The following PIWIL1 variants were observed in gnomAD, a reference collection of about 807,000 sequenced individuals.
PIWIL1 encodes the protein piwi-like protein 1.
PIWIL1 carries 73 observed loss-of-function variants against 114.4 expected under a neutral mutation model. The observed-to-expected ratio is 0.64, with a 90% confidence interval of 0.53 to 0.78. PIWIL1 has a LOEUF of 0.78. PIWIL1 is among the 30% of genes least tolerant of loss of function. The probability of loss-of-function intolerance (pLI) is 0.00; values close to 1 mark genes in which losing one functional copy is unlikely to be tolerated. For missense variants in PIWIL1, 723 were observed against 1,063.1 expected (o/e 0.68, Z 4.45); for synonymous variants, 375 against 369.0 (o/e 1.02, Z -0.19).
intron 7 of PIWIL1, among the ~76,000 whole-genome samples, chr12:130,348,628 C>T (rs1191487211): frequency 2.6e-5 from 4 of 152,212 alleles, no homozygotes; most frequent in African/African-American, 4.8e-5. Flanking sequence ...AAAGGCCGGG[C>T]GTGGTGGCTC....
intron 12 of PIWIL1, 94 bp from the exon 13 acceptor site, chr12:130,356,824 T>G: frequency 6.9e-6 from 6 of 867,374 alleles, no homozygotes; most frequent in Non-Finnish European, 1.0e-5. Flanking sequence ...ACACTAAGTT[T>G]CAAAATATGC....
chr12:130,367,249 G>A lies in PIWIL1; in HGVS notation c.2312G>A (p.Arg771Lys). The change falls in exon 19 of 21, where the codon AGA (arginine) becomes AAA (lysine). Residue 771 changes from arginine to lysine, a missense_variant. Physicochemically the swap from Arg to Lys is conservative, Grantham distance 26. Transcript: ENST00000245255. ...ACAGTTATTGATGTAGAGGTTACCA[G>A]ACCAGAATGGTAAGTTCCATGTGAT... The part of the protein sequence containing the change: ...PGTVIDVEVT[R>K]PEWYDFFIVS... 1.9e-6 allele frequency: 3 copies of A among 1,613,214 alleles called. No homozygotes were observed. Among genetic ancestry groups the A allele is most frequent in the Non-Finnish European group, 2.5e-6 (3 of 1,179,322 alleles).
chr12:130,340,660 TTGGTGGTGGTGG>T (rs1181115618), intron 1 of PIWIL1, among the ~76,000 whole-genome samples: 1 of 94,012 alleles, frequency 1.1e-5, no homozygotes, highest in Non-Finnish European at 2.3e-5. Context: ...GGGAGGGGGG[TTGGTGGTGGTGG>T]TGGTGGTGCT....
chr12:130,417,187 T>C, the PIWIL1 span, among the ~76,000 whole-genome samples: 1 of 152,122 alleles, frequency 6.6e-6, no homozygotes, highest in Non-Finnish European at 1.5e-5. Context: ...AGTTTGGAGA[T>C]TTCTTGGAGA....
chr12:130,402,164 T>G, the PIWIL1 span, among the ~76,000 whole-genome samples: 1 of 152,158 alleles, frequency 6.6e-6, no homozygotes, highest in Non-Finnish European at 1.5e-5. Flanking sequence ...GCGTCCAAAG[T>G]GACGACGGGA....
chr12:130,367,049 A>C lies in PIWIL1; in HGVS notation c.2196-84A>C, dbSNP rs185110388. Reference sequence around the variant, plus strand: ...CCCAGGAGGGATGTGTTCCTTTTTAAATGGAGCATGTGAACACCTGAATGA... The same window carrying C: ...CCCAGGAGGGATGTGTTCCTTTTTACATGGAGCATGTGAACACCTGAATGA... On this transcript the variant is annotated intron_variant, in intron 18 of 20. Coordinates refer to ENST00000245255, the MANE Select transcript of PIWIL1 (RefSeq NM_004764.5). 40 of 1,499,552 alleles carry C rather than the reference A, an allele frequency of 2.7e-5. No homozygotes were observed. In the East Asian group the frequency reaches 8.6e-4, roughly 32 times the overall value. 92.9% of individuals were successfully genotyped at this position (1,499,552 alleles called of 1,614,324 possible). A position where few individuals can be genotyped will look rare whatever the true frequency, so the allele number is the denominator to read the frequency against.
At chr12:130,342,059 C>T (rs2072930267) in intron 1 of PIWIL1, among the ~76,000 whole-genome samples, 1 of 152,120 alleles carries the variant, frequency 6.6e-6, no homozygotes, top group Admixed American at 6.5e-5. Context: ...GTGTAAGCCA[C>T]ACATGGAACT....
chr12:130,346,721 T>G, intron 5 of PIWIL1, 137 bp downstream of exon 5: 1 of 859,350 alleles, frequency 1.2e-6, no homozygotes. Flanking sequence ...ATAGGGTACT[T>G]TGGCATTATT....
intron 18 of PIWIL1, among the ~76,000 whole-genome samples, chr12:130,365,974 C>T (rs1054397753): frequency 3.3e-5 from 5 of 152,204 alleles, no homozygotes; most frequent in Non-Finnish European, 5.9e-5. Flanking sequence ...TGAAGATGTC[C>T]TCTGCTTACT....
intron 19 of PIWIL1, among the ~76,000 whole-genome samples, chr12:130,368,509 T>TGTTATGGCATTGGCTTAGGTTAG: frequency 6.6e-6 from 1 of 152,204 alleles, no homozygotes; most frequent in South Asian, 2.1e-4. Context: ...CTCAGACAGA[T>TGTTATGGCATTGGCTTAGGTTAG]GTTATGGCAT....
chr12:130,349,170 C>T (rs1007515879), intron 7 of PIWIL1, 69 bp from the exon 8 acceptor site: 38 of 1,142,042 alleles, frequency 3.3e-5, no homozygotes, highest in African/African-American at 6.2e-5. Context: ...AAAGTGAAAA[C>T]GCAACTTAGT....
the PIWIL1 span, among the ~76,000 whole-genome samples, chr12:130,381,160 G>A: frequency 2.0e-5 from 3 of 152,112 alleles, no homozygotes; most frequent in Admixed American, 6.6e-5. Context: ...TGTATCTACC[G>A]TCAAGTTTGA....
chr12:130,371,071 T>G lies in PIWIL1; in HGVS notation c.2322-105T>G, dbSNP rs1399940964. On this transcript the variant is annotated intron_variant, in intron 19 of 20. Coordinates refer to ENST00000245255, the MANE Select transcript of PIWIL1 (RefSeq NM_004764.5). ...ACAGCGTGAGAAGAGATGAGGTTACTGTAGTAACTTACAGTGAAGAGTGGT... is the reference window on the plus strand; with the variant it reads ...ACAGCGTGAGAAGAGATGAGGTTACGGTAGTAACTTACAGTGAAGAGTGGT... The G allele has an allele frequency of 3.3e-6, 3 of 908,378 alleles. No individual in the cohort carries two copies. In the Admixed American group the frequency reaches 5.8e-5, roughly 17 times the overall value. The allele number at this position is 908,378 out of a possible 1,614,324, so 56.3% of individuals were successfully genotyped here.
At chr12:130,400,232 G>T in the PIWIL1 span, among the ~76,000 whole-genome samples, 2 of 152,188 alleles carry the variant, frequency 1.3e-5, no homozygotes, top group African/African-American at 2.4e-5. Context: ...AGACGGTGGG[G>T]ACCTGGTGGT....
chr12:130,403,323 G>A, the PIWIL1 span, among the ~76,000 whole-genome samples: 76,947 of 151,998 alleles, frequency 0.51, 20,088 homozygotes, highest in Non-Finnish European at 0.58. Context: ...AGAAGCATAC[G>A]TTTCATATTA....
chr12:130,414,551 G>A, the PIWIL1 span: 220,508 of 351,966 alleles, frequency 0.63, 69,491 homozygotes, highest in Admixed American at 0.73. Context: ...ACAGGGCTGG[G>A]CCTCGGGGGC....
At chr12:130,398,067 C>G in the PIWIL1 span, 1 of 152,388 alleles carries the variant, frequency 6.6e-6, no homozygotes, top group Non-Finnish European at 1.5e-5. Flanking sequence ...TAAAATGAAC[C>G]TTAATTATAA....
At chr12:130,393,342 G>C in the PIWIL1 span, among the ~76,000 whole-genome samples, 1 of 115,608 alleles carries the variant, frequency 8.6e-6, no homozygotes, top group African/African-American at 3.0e-5. Context: ...CCATCATCAC[G>C]TGTGTCCGTC....
At chr12:130,411,301 A>G in the PIWIL1 span, among the ~76,000 whole-genome samples, 1 of 152,140 alleles carries the variant, frequency 6.6e-6, no homozygotes, top group African/African-American at 2.4e-5. Context: ...CTGTGAACAG[A>G]AAAAGTTGTA....
Sources: allele counts gnomAD v4.1 joint callset (sites outside exome capture counted in the v4.1 genomes callset), GRCh38; gene constraint gnomAD v4.1.1; transcripts MANE v1.5; gene names NCBI Gene and HGNC (gene_info 2026-07-23, HGNC 2026-07-21).